KLHL4: variants seen among roughly 807,000 people sequenced by gnomAD.
KLHL4 encodes the protein kelch-like protein 4.
A neutral mutation model predicts 45.8 loss-of-function variants in KLHL4; 17 were observed. The ratio of observed to expected loss-of-function variants is 0.37; its 90% confidence interval spans 0.25 to 0.56. The LOEUF (loss-of-function observed/expected upper bound fraction) is 0.56, where lower values mean the gene tolerates loss of function less well. Among genes scored for constraint, KLHL4 ranks in the 20% least tolerant of loss-of-function variants. KLHL4 has a pLI of 0.79. For synonymous variants in KLHL4, 224 were observed against 189.9 expected (o/e 1.18, Z -1.47); for missense variants, 544 against 544.9 (o/e 1.00, Z 0.02).
At position 87,617,861 on chromosome X, in the gene KLHL4, AT is replaced by A. The variant is rs1336638321; in HGVS notation, c.728-70del. 4.4e-6 allele frequency: 4 copies of A among 913,370 alleles called. No individual in the cohort carries two copies. In the African/African-American group the frequency reaches 8.0e-5, roughly 18 times the overall value. The allele number at this position is 913,370 out of a possible 1,213,427, so 75.3% of individuals were successfully genotyped here. On this transcript the variant is annotated intron_variant, in intron 3 of 10. Transcript: ENST00000373119. ...TACTAGAGAGGAAAATAAAAAAAAA[AT>A]GTCAACTAGTTGACGTAGTTTTTAC...
In KLHL4 at chrX:87,632,207, C is replaced by G; in HGVS notation, c.1325-3C>G. ...TTACCGTTGTTCAATATCCCTTTGT[C>G]AGGTACTACTACTATTGAAAAATAT... is the stretch of plus-strand genomic sequence containing the variant. On this transcript the variant is annotated splice_polypyrimidine_tract_variant and splice_region_variant and intron_variant, in intron 6 of 10. Transcript: ENST00000373119. 9.0e-7 allele frequency: 1 copy of G among 1,116,056 alleles called. No individual in the cohort carries two copies. The highest frequency in any genetic ancestry group is 1.2e-6 in the Non-Finnish European group (1 of 812,927). 92.0% of individuals were successfully genotyped at this position (1,116,056 alleles called of 1,213,427 possible). A position where few individuals can be genotyped will look rare whatever the true frequency, so the allele number is the denominator to read the frequency against.
chrX:87,551,587 G>GTAGGTAGATAGATAGATAGATAGA (rs1931821377), intron 1 of KLHL4, among the ~76,000 whole-genome samples: 1 of 107,484 alleles, frequency 9.3e-6, no homozygotes, highest in African/African-American at 3.4e-5. Context: ...AAATAGATAG[G>GTAGGTAGATAGATAGATAGATAGA]TAGATAGATA....
chrX:87,583,351 T>A (rs964735955), intron 1 of KLHL4, among the ~76,000 whole-genome samples: 5 of 112,200 alleles, frequency 4.5e-5, no homozygotes, highest in African/African-American at 1.6e-4. Context: ...AGTGCTAGCA[T>A]CACCCTCCCC....
At chrX:87,665,378 G>A (rs1924334228) in intron 10 of KLHL4, among the ~76,000 whole-genome samples, 2 of 111,524 alleles carry the variant, frequency 1.8e-5, no homozygotes, top group South Asian at 7.5e-4. Context: ...TAGGAGACAA[G>A]CCTTCAATCT....
intron 1 of KLHL4, among the ~76,000 whole-genome samples, chrX:87,586,072 A>T (rs779837533): frequency 4.4e-4 from 49 of 111,853 alleles, no homozygotes; most frequent in African/African-American, 1.5e-3. Flanking sequence ...CAACAAGAGG[A>T]TCTAAAAACT....
intron 4 of KLHL4, among the ~76,000 whole-genome samples, chrX:87,621,905 T>C (rs889240552): frequency 3.6e-5 from 4 of 111,351 alleles, no homozygotes; most frequent in Non-Finnish European, 5.6e-5. Flanking sequence ...TGTTGTCACA[T>C]ACGGCAGCTG....
intron 6 of KLHL4, among the ~76,000 whole-genome samples, chrX:87,629,152 C>A (rs1923023861): frequency 9.0e-6 from 1 of 111,334 alleles, no homozygotes; most frequent in Non-Finnish European, 1.9e-5. Context: ...ATAAGTTTGA[C>A]AGGTTTTGTT....
rs1045979217 is a variant in KLHL4, at chrX:87,633,855, C to G, written c.1656C>G (p.Tyr552Ter). 1 of 1,206,862 alleles carries G rather than the reference C, an allele frequency of 8.3e-7. No individual in the cohort carries two copies. Among genetic ancestry groups the G allele is most frequent in the Non-Finnish European group, 1.1e-6 (1 of 893,605 alleles). The change falls in exon 8 of 11, where the codon TAC becomes TAG. Residue 552 changes from tyrosine (Y) to a stop codon, truncating the protein, a stop_gained. Coordinates refer to ENST00000373119, the MANE Select transcript of KLHL4 (RefSeq NM_019117.5). LOFTEE classifies it high-confidence loss of function. Reference sequence around the variant, plus strand: ...ACCCTGAGGGACGACAGTGGAATTACGTAGCCAGTATGTCAACTCCTAGAA... The same window carrying G: ...ACCCTGAGGGACGACAGTGGAATTAGGTAGCCAGTATGTCAACTCCTAGAA... ...RWDPEGRQWN[Y>*]VASMSTPRST...
At chrX:87,566,825 AG>A (rs1932221419) in intron 1 of KLHL4, among the ~76,000 whole-genome samples, 1 of 111,656 alleles carries the variant, frequency 9.0e-6, no homozygotes, top group Non-Finnish European at 1.9e-5. Context: ...TAATGAAAAA[AG>A]ATCATTACAA....
In KLHL4 at chrX:87,518,097, T is replaced by C. The variant is rs1273426450; in HGVS notation, c.204T>C (p.Pro68=). The C allele has an allele frequency of 2.5e-6, 3 of 1,211,714 alleles. No individual in the cohort carries two copies. Among genetic ancestry groups the C allele is most frequent in the South Asian group, 3.5e-5 (2 of 56,997 alleles). Residue 68 remains proline (P), a synonymous_variant, in exon 1 of 11, where the codon CCT becomes CCC. Transcript: ENST00000373119. ...ACGGACTGAAGAAAAGCAACAGTCC[T>C]GTCCACCACAATATACTGGCACCAG... The part of the protein sequence containing the change: ...DRNGLKKSNS[P]VHHNILAPVP...
chrX:87,657,180 A>AGTG (rs1274733850), intron 9 of KLHL4, among the ~76,000 whole-genome samples: 1 of 112,219 alleles, frequency 8.9e-6, no homozygotes, highest in Non-Finnish European at 1.9e-5. Context: ...GGTAAGAGCC[A>AGTG]GTGGTGGTGG....
At chrX:87,553,647 CAT>C (rs199509597) in intron 1 of KLHL4, among the ~76,000 whole-genome samples, 21,602 of 110,214 alleles carry the variant, frequency 0.2, 1,613 homozygotes, top group East Asian at 0.25. Flanking sequence ...TACACACACA[CAT>C]GTCACATTTG....
chrX:87,553,691 T>C (rs1931890302), intron 1 of KLHL4, among the ~76,000 whole-genome samples: 1 of 111,585 alleles, frequency 9.0e-6, no homozygotes, highest in Non-Finnish European at 1.9e-5. Flanking sequence ...TAATGTTTTA[T>C]ATAGCTTTTA....
At chrX:87,636,586 C>T (rs1394424646) in intron 9 of KLHL4, among the ~76,000 whole-genome samples, 1 of 111,430 alleles carries the variant, frequency 9.0e-6, no homozygotes, top group Non-Finnish European at 1.9e-5. Flanking sequence ...GTTCTCAGCC[C>T]TGCTCACTGG....
intron 1 of KLHL4, among the ~76,000 whole-genome samples, chrX:87,550,748 C>G (rs1931794711): frequency 9.0e-6 from 1 of 111,405 alleles, no homozygotes; most frequent in African/African-American, 3.3e-5. Flanking sequence ...GAATTAAAAA[C>G]AAAAATCACA....
At chrX:87,598,273 T>G (rs1247446194) in intron 1 of KLHL4, among the ~76,000 whole-genome samples, 1 of 111,179 alleles carries the variant, frequency 9.0e-6, no homozygotes, top group Non-Finnish European at 1.9e-5. Context: ...GTATGTGGTA[T>G]TTCCCTTTGT....
chrX:87,655,218 C>A (rs1923949622), intron 9 of KLHL4, among the ~76,000 whole-genome samples: 1 of 111,589 alleles, frequency 9.0e-6, no homozygotes, highest in Non-Finnish European at 1.9e-5. Context: ...GAATTTTTTG[C>A]CAAGGCCATT....
intron 1 of KLHL4, among the ~76,000 whole-genome samples, chrX:87,598,515 A>G (rs1300323556): frequency 9.0e-6 from 1 of 111,726 alleles, no homozygotes; most frequent in Non-Finnish European, 1.9e-5. Context: ...TACATGAATT[A>G]ACTAAAGCAA....
intron 9 of KLHL4, among the ~76,000 whole-genome samples, chrX:87,638,672 A>G (rs1479184322): frequency 3.6e-5 from 4 of 111,839 alleles, no homozygotes; most frequent in Non-Finnish European, 1.9e-5. Context: ...AGCCAGCCCT[A>G]CAAGAACTGC....
Sources: gnomAD v4.1 joint callset for allele counts (sites outside exome capture counted in the v4.1 genomes callset) on GRCh38, gnomAD v4.1.1 for gene constraint, MANE v1.5 for transcripts, NCBI Gene and HGNC (gene_info 2026-07-23, HGNC 2026-07-21) for gene names.